Variants in EDARADD observed in about 807,000 individuals in gnomAD.
EDARADD encodes the protein EDAR associated via death domain, also known as ectodysplasin-A receptor-associated adapter protein.
EDARADD carries 20 observed loss-of-function variants against 25.6 expected under a neutral mutation model. That is an observed-to-expected ratio of 0.78 (90% CI 0.55 to 1.14). EDARADD has a LOEUF of 1.14. Ranked by LOEUF, EDARADD falls within the 50% of genes most tolerant of loss-of-function variation. The probability of loss-of-function intolerance (pLI) is 0.00; values close to 1 mark genes in which losing one functional copy is unlikely to be tolerated. For missense variants in EDARADD, 225 were observed against 270.1 expected, an observed-to-expected ratio of 0.83 and a Z score of 1.17; for synonymous variants, 86 against 94.4, an observed-to-expected ratio of 0.91 and a Z score of 0.52.
intron 1 of EDARADD, among the ~76,000 whole-genome samples, chr1:236,401,437 A>G (rs1667609950): frequency 6.6e-6 from 1 of 152,174 alleles, no homozygotes; most frequent in African/African-American, 2.4e-5. Flanking sequence ...ATTCACCGCT[A>G]TCTGATGTCA....
chr1:236,436,672 C>T lies in EDARADD; in HGVS notation c.219+9222C>T, dbSNP rs577758103. On this transcript the variant is annotated intron_variant, in intron 4 of 5. Transcript: ENST00000334232. ...AAGAACCTTAACTCTTTTTTAGAGG[C>T]AGGACTCAAAGAAGGTTGGATGGGG... 2.7e-5 allele frequency among the ~76,000 whole-genome samples: 4 copies of T among 147,342 alleles called. No homozygotes were observed. In the South Asian group the frequency reaches 8.7e-4, roughly 32 times the overall value.
chr1:236,397,712 G>A (rs1667541435), intron 1 of EDARADD, among the ~76,000 whole-genome samples: 1 of 152,172 alleles, frequency 6.6e-6, no homozygotes, highest in African/African-American at 2.4e-5. Flanking sequence ...CTAAGGGTGA[G>A]AGCTCCCCAC....
At chr1:236,467,636 G>C (rs1040932760) in intron 4 of EDARADD, among the ~76,000 whole-genome samples, 2 of 152,010 alleles carry the variant, frequency 1.3e-5, no homozygotes, top group Non-Finnish European at 1.5e-5. Context: ...AAATAGAAAA[G>C]GGAAAGAATT....
rs1659750868 is a variant in EDARADD, at chr1:236,483,750, A to G, written c.*1101A>G. 1 of 1,502,400 alleles carries G rather than the reference A, an allele frequency of 6.7e-7. No individual in the cohort carries two copies. Among genetic ancestry groups the G allele is most frequent in the Non-Finnish European group, 9.3e-7 (1 of 1,080,198 alleles). The allele number at this position is 1,502,400 out of a possible 1,614,324, so 93.1% of individuals were successfully genotyped here. Reference sequence around the variant, plus strand: ...GGTTTACCACAGCCTGAAGAATGTCATCAAGGAGAAATATGGGAAAGATGC... The same window carrying G: ...GGTTTACCACAGCCTGAAGAATGTCGTCAAGGAGAAATATGGGAAAGATGC... On this transcript the variant is annotated 3_prime_UTR_variant, in exon 6 of 6. Transcript: ENST00000334232.
Position 236,365,978 on chromosome 1 carries a change from A to G in EDARADD, c.-6+15139A>G, listed in dbSNP as rs952586467. 6.6e-5 allele frequency among the ~76,000 whole-genome samples: 10 copies of G among 152,362 alleles called. No homozygotes were observed. The South Asian group carries it at 1.2e-3, about 19-fold the overall frequency. On this transcript the variant is annotated intron_variant, in intron 3 of 7. Transcript: ENST00000439430. ...ACTTTGATTTGGGTATTTTAAAAAT[A>G]CATCCCATATTTCTACTTTAACTTC...
At chr1:236,436,563 G>A (rs146605411) in intron 4 of EDARADD, among the ~76,000 whole-genome samples, 2,311 of 145,026 alleles carry the variant, frequency 0.016, 61 homozygotes, top group African/African-American at 0.055. Context: ...GGAGGTTGAG[G>A]CTGCAGTGAG....
At chr1:236,482,091 G>A (rs1659691145) in intron 5 of EDARADD, among the ~76,000 whole-genome samples, 176 bp from the exon 6 acceptor site, 1 of 149,898 alleles carries the variant, frequency 6.7e-6, no homozygotes, top group African/African-American at 2.5e-5. Flanking sequence ...CTCCAGCCTG[G>A]GCGAAAGAGC....
chr1:236,395,605 G>A lies in EDARADD; in HGVS notation c.61+1100G>A, dbSNP rs1490667864. ...GGAGGCCTGCCAGCCCCGCTCGGAC[G>A]CTCGTTTGCCCCTAACCCGCCGCCA... On this transcript the variant is annotated intron_variant, in intron 1 of 5. Coordinates refer to ENST00000334232, the MANE Select transcript of EDARADD (RefSeq NM_145861.4). The surrounding 1 kb of genome is among the most constrained non-coding windows in gnomAD (Gnocchi z 6.9). 12 of 1,557,720 alleles carry A rather than the reference G, an allele frequency of 7.7e-6. No homozygotes were observed. The highest frequency in any genetic ancestry group is 1.0e-5 in the Non-Finnish European group (12 of 1,153,760).
At chr1:236,375,773 GC>G (rs1227153784) in intron 3 of EDARADD, among the ~76,000 whole-genome samples, 2 of 151,770 alleles carry the variant, frequency 1.3e-5, no homozygotes, top group African/African-American at 2.4e-5. Context: ...TGTAGTCCCA[GC>G]TACTTGGGAG....
Position 236,398,695 on chromosome 1 carries a change from C to T in EDARADD, c.61+4190C>T, listed in dbSNP as rs116518848. ...GACCCCTGCATTCCAGCCCTCACCCCATCCTCCACCCACCCGTTTCCTTCT... is the reference window on the plus strand; with the variant it reads ...GACCCCTGCATTCCAGCCCTCACCCTATCCTCCACCCACCCGTTTCCTTCT... On this transcript the variant is annotated intron_variant, in intron 1 of 5. Transcript: ENST00000334232. The surrounding 1 kb of genome is among the most constrained non-coding windows in gnomAD (Gnocchi z 4.1). 7.5e-3 allele frequency among the ~76,000 whole-genome samples: 1,140 copies of T among 152,262 alleles called. 15 individuals carry two copies. The highest frequency in any genetic ancestry group is 0.025 in the African/African-American group (1,057 of 41,564).
intron 1 of EDARADD, among the ~76,000 whole-genome samples, chr1:236,405,874 C>CTTCCTTCCTTCTTTCTTTCTTTCT (rs56931070): frequency 3.2e-4 from 10 of 30,876 alleles, no homozygotes; most frequent in Middle Eastern, 0.013. Context: ...TCCTTCCTTC[C>CTTCCTTCCTTCTTTCTTTCTTTCT]TTCTTTCTTT....
At chr1:236,441,246 A>G (rs1658388447) in intron 4 of EDARADD, among the ~76,000 whole-genome samples, 1 of 147,494 alleles carries the variant, frequency 6.8e-6, no homozygotes, top group Non-Finnish European at 1.5e-5. Context: ...ACTAATCCAG[A>G]GTAAGGCCCT....
intron 4 of EDARADD, among the ~76,000 whole-genome samples, chr1:236,466,684 G>A (rs983598110): frequency 2.0e-5 from 3 of 152,198 alleles, no homozygotes; most frequent in Non-Finnish European, 4.4e-5. Flanking sequence ...TTAGGTGAAG[G>A]TATGTACACT....
intron 4 of EDARADD, among the ~76,000 whole-genome samples, chr1:236,434,861 A>G (rs1348077000): frequency 6.6e-6 from 1 of 152,196 alleles, no homozygotes; most frequent in Non-Finnish European, 1.5e-5. Flanking sequence ...ACTTGAAAGA[A>G]GATGAGACAG....
intron 4 of EDARADD, among the ~76,000 whole-genome samples, chr1:236,467,221 C>A (rs1197591631): frequency 6.6e-6 from 1 of 151,510 alleles, no homozygotes; most frequent in African/African-American, 2.4e-5. Flanking sequence ...GAATCTGAGA[C>A]CCGCATTGGC....
chr1:236,453,039 C>T (rs892174450), intron 4 of EDARADD, among the ~76,000 whole-genome samples: 5 of 152,214 alleles, frequency 3.3e-5, no homozygotes, highest in Non-Finnish European at 7.3e-5. Context: ...TTTCCTACAA[C>T]TACCCTGATG....
chr1:236,424,718 G>GT (rs1171971635), intron 3 of EDARADD, among the ~76,000 whole-genome samples: 1 of 152,080 alleles, frequency 6.6e-6, no homozygotes, highest in Non-Finnish European at 1.5e-5. Context: ...GCTACTAGGA[G>GT]TTTTCCCTAC....
chr1:236,433,835 A>G (rs928852595), intron 4 of EDARADD, among the ~76,000 whole-genome samples: 8 of 151,790 alleles, frequency 5.3e-5, no homozygotes, highest in African/African-American at 1.5e-4. Context: ...GCACCACTGC[A>G]CTCCAGCCTA....
intron 4 of EDARADD, among the ~76,000 whole-genome samples, chr1:236,446,408 TG>T (rs34494384): frequency 1.3e-5 from 2 of 152,004 alleles, no homozygotes; most frequent in Non-Finnish European, 2.9e-5. Context: ...AAAATTTAGC[TG>T]GGGATGGTGG....
Sources: gnomAD v4.1 joint callset for allele counts (sites outside exome capture counted in the v4.1 genomes callset) on GRCh38, gnomAD v4.1.1 for gene constraint, Gnocchi (gnomAD v3.1) non-coding constraint, MANE v1.5 for transcripts, NCBI Gene and HGNC (gene_info 2026-07-23, HGNC 2026-07-21) for gene names.